CFAP54: variants seen among roughly 807,000 people sequenced by gnomAD.
CFAP54 encodes cilia and flagella associated protein 54.
A neutral mutation model predicts 370.4 loss-of-function variants in CFAP54; 290 were observed. The observed-to-expected ratio is 0.78, with a 90% CI of 0.71 to 0.86. CFAP54 has a LOEUF of 0.86. Ranked by LOEUF, CFAP54 falls within the 40% of genes least tolerant of loss-of-function variation. CFAP54 has a pLI of 0.00. For synonymous variants in CFAP54, 1,206 were observed against 1,236.5 expected, an observed-to-expected ratio of 0.98 and a Z score of 0.52; for missense variants, 3,399 against 3,528.7, an observed-to-expected ratio of 0.96 and a Z score of 0.93.
At position 96,752,770 on chromosome 12, in the gene CFAP54, C is replaced by G. The variant is rs544932102; in HGVS notation, c.7685-973C>G. 3.3e-5 allele frequency among the ~76,000 whole-genome samples: 5 copies of G among 152,278 alleles called. No individual in the cohort carries two copies. The East Asian group carries it at 9.6e-4, about 29-fold the overall frequency. On this transcript the variant is annotated intron_variant, in intron 55 of 67. Coordinates refer to ENST00000524981, the MANE Select transcript of CFAP54 (RefSeq NM_001306084.2). ...TTGCCTGTCTGGCTATTCATATTCT[C>G]CATTAAACAAAACACTAGGCTTCAT...
Position 96,691,109 on chromosome 12 carries a change from C to T in CFAP54, c.6082-19C>T, listed in dbSNP as rs1316767421. On this transcript the variant is annotated intron_variant, in intron 43 of 67. Coordinates refer to ENST00000524981, the MANE Select transcript of CFAP54 (RefSeq NM_001306084.2). The stretch of plus-strand genomic sequence containing the variant: ...ATGCTATCTATAGCTCTTTATATTT[C>T]ACTTTTTTTCATTTTCAGGGTTTGC... 1.2e-6 allele frequency: 2 copies of T among 1,606,742 alleles called. No individual in the cohort carries two copies. The highest frequency in any genetic ancestry group is 1.7e-6 in the Non-Finnish European group (2 of 1,176,380).
At chr12:96,765,897 T>C (rs1958397955) in intron 60 of CFAP54, among the ~76,000 whole-genome samples, 2 of 152,244 alleles carry the variant, frequency 1.3e-5, no homozygotes, top group Admixed American at 1.3e-4. Flanking sequence ...CATTCATTTA[T>C]GTGTTTTTCC....
chr12:96,606,853 G>A (rs1956306780), intron 26 of CFAP54, among the ~76,000 whole-genome samples: 2 of 152,194 alleles, frequency 1.3e-5, no homozygotes, highest in Admixed American at 1.3e-4. Flanking sequence ...GTTCCTCAAA[G>A]GCTTTCATTG....
intron 27 of CFAP54, among the ~76,000 whole-genome samples, chr12:96,623,489 G>C (rs1159768240): frequency 6.6e-6 from 1 of 152,170 alleles, no homozygotes; most frequent in African/African-American, 2.4e-5. Flanking sequence ...GCAGGTTTTG[G>C]AGGGGGCTGG....
chr12:96,581,604 T>C (rs1338098084), intron 22 of CFAP54, among the ~76,000 whole-genome samples: 3 of 152,038 alleles, frequency 2.0e-5, no homozygotes, highest in Non-Finnish European at 4.4e-5. Context: ...GGTGTCAAGA[T>C]TGAGAAACCC....
At chr12:96,614,753 A>G (rs1177767930) in intron 26 of CFAP54, among the ~76,000 whole-genome samples, 1 of 152,242 alleles carries the variant, frequency 6.6e-6, no homozygotes, top group Admixed American at 6.5e-5. Context: ...GTGAACTCCC[A>G]TTCACAATTG....
intron 32 of CFAP54, among the ~76,000 whole-genome samples, chr12:96,642,078 A>AG (rs1956736997): frequency 6.6e-6 from 1 of 151,784 alleles, no homozygotes; most frequent in Non-Finnish European, 1.5e-5. Context: ...TAAAGTATAA[A>AG]AAAAAGAAAA....
intron 22 of CFAP54, among the ~76,000 whole-genome samples, chr12:96,584,695 G>C (rs1376633541): frequency 6.7e-6 from 1 of 150,172 alleles, no homozygotes; most frequent in Non-Finnish European, 1.5e-5. Flanking sequence ...AGATAATTCT[G>C]ACTTATAGTT....
At chr12:96,862,383 T>A (rs760965668) in intron 67 of CFAP54, among the ~76,000 whole-genome samples, 15 of 152,146 alleles carry the variant, frequency 9.9e-5, no homozygotes, top group Admixed American at 9.8e-4. Context: ...ACAGTCATGA[T>A]GGAAAACAAA....
chr12:96,595,990 T>C (rs895897660), intron 25 of CFAP54, among the ~76,000 whole-genome samples: 5 of 152,160 alleles, frequency 3.3e-5, no homozygotes, highest in African/African-American at 1.2e-4. Flanking sequence ...AGTAACATGA[T>C]GTCATTGATA....
intron 63 of CFAP54, among the ~76,000 whole-genome samples, chr12:96,797,373 A>G (rs1245526332): frequency 6.6e-6 from 1 of 151,970 alleles, no homozygotes; most frequent in Non-Finnish European, 1.5e-5. Flanking sequence ...ATGCTTGCTG[A>G]TTTTTCCATT....
intron 66 of CFAP54, among the ~76,000 whole-genome samples, chr12:96,847,958 T>G (rs1281215029): frequency 2.6e-5 from 4 of 152,250 alleles, no homozygotes; most frequent in African/African-American, 9.6e-5. Context: ...ATTCTTCTAT[T>G]CTTAGACAAT....
At chr12:96,570,407 A>G (rs1955904903) in intron 19 of CFAP54, among the ~76,000 whole-genome samples, 1 of 151,906 alleles carries the variant, frequency 6.6e-6, no homozygotes, top group Non-Finnish European at 1.5e-5. Flanking sequence ...TCAAACTGCT[A>G]ACAGAATATT....
intron 22 of CFAP54, among the ~76,000 whole-genome samples, chr12:96,581,312 C>T (rs1194358408): frequency 6.6e-6 from 1 of 151,942 alleles, no homozygotes; most frequent in Admixed American, 6.6e-5. Context: ...ACATTTTTTC[C>T]CCTGGATTAC....
chr12:96,681,178 G>A (rs1957266567), intron 40 of CFAP54, among the ~76,000 whole-genome samples: 1 of 151,814 alleles, frequency 6.6e-6, no homozygotes, highest in South Asian at 2.1e-4. Context: ...GCAATTCCTA[G>A]GAATGGTTTA....
At chr12:96,657,853 CAT>C (rs1491213360) in intron 36 of CFAP54, 27 bp from the exon 37 acceptor site, 1 of 1,321,452 alleles carries the variant, frequency 7.6e-7, no homozygotes, top group Non-Finnish European at 1.0e-6. Context: ...TGAAATTACA[CAT>C]TTTTTTTTTC....
In CFAP54 at chr12:96,534,197, C is replaced by T; in HGVS notation, c.1675C>T (p.Gln559Ter). Residue 559 changes from glutamine (Q) to a stop codon, truncating the protein, a stop_gained, in exon 11 of 68, where the codon CAA becomes TAA. Transcript: ENST00000524981. LOFTEE classifies it high-confidence loss of function. ...LENYKEGQST[Q>*]IYLKKIAVHD... ...AAACTATAAAGAAGGACAGTCAACT[C>T]AAATTTATTTAAAAAAAATTGCTGT... 6.8e-7 allele frequency: 1 copy of T among 1,468,694 alleles called. No homozygotes were observed. The highest frequency in any genetic ancestry group is 9.1e-7 in the Non-Finnish European group (1 of 1,103,488). 91.0% of individuals were successfully genotyped at this position (1,468,694 alleles called of 1,614,324 possible).
At chr12:96,782,108 A>G (rs1260674805) in intron 60 of CFAP54, among the ~76,000 whole-genome samples, 1 of 152,116 alleles carries the variant, frequency 6.6e-6, no homozygotes, top group Non-Finnish European at 1.5e-5. Flanking sequence ...ATCATCTCAA[A>G]TAGGTGCAGA....
chr12:96,871,574 A>G (rs1960168132), intron 67 of CFAP54, among the ~76,000 whole-genome samples: 1 of 152,216 alleles, frequency 6.6e-6, no homozygotes, highest in South Asian at 2.1e-4. Flanking sequence ...CAGTCAACAC[A>G]TTTCCAGAAG....
Sources: gnomAD v4.1 joint callset for allele counts (sites outside exome capture counted in the v4.1 genomes callset) on GRCh38, gnomAD v4.1.1 for gene constraint, MANE v1.5 for transcripts, NCBI Gene and HGNC (gene_info 2026-07-23, HGNC 2026-07-21) for gene names.